LARP1B: variants seen among roughly 807,000 people sequenced by gnomAD.
LARP1B encodes the protein La ribonucleoprotein 1B, also known as la-related protein 1B.
Under a neutral mutation model 114.2 loss-of-function variants are expected in LARP1B, and 76 were observed. The observed-to-expected ratio is 0.67, with a 90% CI of 0.55 to 0.81. The LOEUF (loss-of-function observed/expected upper bound fraction) is 0.81. LARP1B is among the 30% of genes least tolerant of loss of function. The pLI is 0.00. For synonymous variants in LARP1B, 345 were observed against 348.0 expected, an observed-to-expected ratio of 0.99 and a Z score of 0.10; for missense variants, 1,014 against 1,075.8, an observed-to-expected ratio of 0.94 and a Z score of 0.80.
intron 3 of LARP1B, among the ~76,000 whole-genome samples, chr4:128,075,483 A>C (rs185102428): frequency 4.4e-4 from 67 of 152,104 alleles, no homozygotes; most frequent in Non-Finnish European, 8.5e-4. Flanking sequence ...TTGGTAATGA[A>C]CTTGTTGTCT....
intron 15 of LARP1B, among the ~76,000 whole-genome samples, chr4:128,180,584 C>T (rs1035035127): frequency 1.3e-5 from 2 of 152,060 alleles, no homozygotes; most frequent in Non-Finnish European, 2.9e-5. Flanking sequence ...TTTTTTTCCC[C>T]AGAGTATTTC....
chr4:128,193,491 C>T (rs1436887651), intron 15 of LARP1B, among the ~76,000 whole-genome samples: 1 of 152,018 alleles, frequency 6.6e-6, no homozygotes, highest in Non-Finnish European at 1.5e-5. Context: ...TTTTTTTGCC[C>T]TGTTTTCTTT....
At chr4:128,157,332 G>T (rs187296247) in intron 11 of LARP1B, among the ~76,000 whole-genome samples, 119 of 152,152 alleles carry the variant, frequency 7.8e-4, no homozygotes, top group African/African-American at 2.8e-3. Context: ...GAAGCATTGA[G>T]CAAAAAGATG....
chr4:128,188,013 T>TA (rs1445669969), intron 15 of LARP1B, among the ~76,000 whole-genome samples: 3 of 152,130 alleles, frequency 2.0e-5, no homozygotes, highest in Admixed American at 6.5e-5. Flanking sequence ...CATCATGCTG[T>TA]ACTGCCTACA....
chr4:128,194,527 A>G (rs904035091), intron 15 of LARP1B, among the ~76,000 whole-genome samples: 5 of 151,696 alleles, frequency 3.3e-5, no homozygotes, highest in African/African-American at 1.2e-4. Flanking sequence ...CTAAAAATAC[A>G]CAAAAATTAG....
chr4:128,104,652 G>T (rs1165313657), intron 8 of LARP1B, among the ~76,000 whole-genome samples: 1 of 151,912 alleles, frequency 6.6e-6, no homozygotes, highest in East Asian at 1.9e-4. Context: ...CACCATGTTG[G>T]CCAGGCTGGT....
chr4:128,144,049 A>G (rs1729284357), intron 11 of LARP1B, among the ~76,000 whole-genome samples: 1 of 152,166 alleles, frequency 6.6e-6, no homozygotes, highest in African/African-American at 2.4e-5. Context: ...AAGCTGTCTT[A>G]TAAATCATAG....
At chr4:128,214,281 C>G (rs1351089415), downstream of LARP1B, among the ~76,000 whole-genome samples, 5 of 148,306 alleles carry the variant, frequency 3.4e-5, no homozygotes, top group Non-Finnish European at 7.5e-5. Context: ...CCGGGAAGCT[C>G]GAACTGGGTG....
chr4:128,124,061 T>C (rs1055759537), intron 11 of LARP1B, among the ~76,000 whole-genome samples: 1 of 152,202 alleles, frequency 6.6e-6, no homozygotes, highest in African/African-American at 2.4e-5. Flanking sequence ...ACTTTTCCTG[T>C]GGGTCTGCTT....
chr4:128,121,916 G>A lies in LARP1B; in HGVS notation c.1252G>A (p.Glu418Lys), dbSNP rs754907904. ...QEELDFLFDE[E>K]IEQIGRKNTF... The stretch of plus-strand genomic sequence containing the variant: ...AGAACTTGATTTTTTGTTTGATGAA[G>A]AGATTGAACAAATAGGACGAAAAAA... The change falls in exon 11 of 20, where the codon GAG becomes AAG. Residue 418 changes from glutamate to lysine, a missense_variant. Coordinates refer to ENST00000326639, the MANE Select transcript of LARP1B (RefSeq NM_018078.4). 3 of 1,612,464 alleles carry A rather than the reference G, an allele frequency of 1.9e-6. No homozygotes were observed. The South Asian group carries it at 3.3e-5, about 18-fold the overall frequency.
chr4:128,126,177 A>C (rs940677887), intron 11 of LARP1B, among the ~76,000 whole-genome samples: 1 of 143,014 alleles, frequency 7.0e-6, no homozygotes, highest in Admixed American at 7.1e-5. Context: ...GCTGGAGTGC[A>C]GTGGCACCAT....
rs373692350 is a variant in LARP1B at position 128,075,048 on chromosome 4, G to T, written c.42+55G>T. ...AAAGAAAGGAAAATGTATTCATTTC[G>T]ACATGCAGAATTTTATTTTACTTAA... On this transcript the variant is annotated intron_variant, in intron 3 of 19. Coordinates refer to ENST00000326639, the MANE Select transcript of LARP1B (RefSeq NM_018078.4). The T allele has an allele frequency of 1.8e-5, 20 of 1,114,204 alleles. No individual in the cohort carries two copies. The African/African-American group carries it at 2.7e-4, about 15-fold the overall frequency. 69.0% of individuals were successfully genotyped at this position (1,114,204 alleles called of 1,614,324 possible).
chr4:128,130,201 A>T (rs1391272239), intron 11 of LARP1B, among the ~76,000 whole-genome samples: 2 of 152,120 alleles, frequency 1.3e-5, no homozygotes, highest in African/African-American at 2.4e-5. Context: ...AAATTTTTTT[A>T]AAAAAGGAGA....
intron 5 of LARP1B, 114 bp downstream of exon 5, chr4:128,082,419 C>G: frequency 2.4e-6 from 2 of 850,030 alleles, no homozygotes; most frequent in Non-Finnish European, 3.8e-6. Context: ...CATCATGTCC[C>G]TTTAACCCCA....
chr4:128,063,640 G>T (rs560190975), intron 1 of LARP1B, among the ~76,000 whole-genome samples: 1 of 150,614 alleles, frequency 6.6e-6, no homozygotes, highest in Admixed American at 6.7e-5. Context: ...TTAACCTGGC[G>T]TGGTGGCGCA....
At position 128,094,645 on chromosome 4, in the gene LARP1B, T is replaced by C. The variant is rs542771767; in HGVS notation, c.668+3133T>C. ...TGGTCTCGAATGCCTGAGCTCAAAG[T>C]GCCTGGCCAGGACAGTTTGTTATTG... is the stretch of plus-strand genomic sequence containing the variant. On this transcript the variant is annotated intron_variant, in intron 7 of 19. Transcript: ENST00000326639. Among the ~76,000 whole-genome samples the C allele has an allele frequency of 4.6e-5, 7 of 152,152 alleles. No homozygotes were observed. In the South Asian group the frequency reaches 1.2e-3, roughly 27 times the overall value.
intron 17 of LARP1B, among the ~76,000 whole-genome samples, chr4:128,205,968 G>A (rs1757465625): frequency 6.6e-6 from 1 of 152,150 alleles, no homozygotes; most frequent in Non-Finnish European, 1.5e-5. Flanking sequence ...AAAGCCAGCT[G>A]TAGATTACTA....
chr4:128,176,019 G>T (rs73848742), intron 12 of LARP1B, among the ~76,000 whole-genome samples: 1,733 of 150,396 alleles, frequency 0.012, 32 homozygotes, highest in African/African-American at 0.039. Context: ...CTTTCACAAA[G>T]GTACTGGATT....
chr4:128,148,893 G>A (rs1731476053), intron 11 of LARP1B, among the ~76,000 whole-genome samples: 1 of 152,112 alleles, frequency 6.6e-6, no homozygotes, highest in African/African-American at 2.4e-5. Flanking sequence ...TCCCAAAGTG[G>A]TGGAGTTACA....
Sources: allele counts gnomAD v4.1 joint callset (sites outside exome capture counted in the v4.1 genomes callset), GRCh38; gene constraint gnomAD v4.1.1; transcripts MANE v1.5; gene names NCBI Gene and HGNC (gene_info 2026-07-23, HGNC 2026-07-21).